Variants in MDFIC observed in about 807,000 individuals in gnomAD.
MDFIC encodes the protein myoD family inhibitor domain-containing protein.
MDFIC carries 17 observed loss-of-function variants against 23.2 expected under a neutral mutation model. That is an observed-to-expected ratio of 0.73 (90% confidence interval 0.50 to 1.10). The LOEUF (loss-of-function observed/expected upper bound fraction) is 1.10. Among genes scored for constraint, MDFIC ranks in the 50% least tolerant of loss-of-function variants. MDFIC has a pLI of 0.00. For missense variants in MDFIC, 356 were observed against 316.6 expected (o/e 1.12, Z -0.95); for synonymous variants, 120 against 115.2 (o/e 1.04, Z -0.27).
At chr7:114,930,571 C>A (rs556903254) in intron 2 of MDFIC, among the ~76,000 whole-genome samples, 1 of 152,114 alleles carries the variant, frequency 6.6e-6, no homozygotes, top group African/African-American at 2.4e-5. Flanking sequence ...AAAGGCTTTT[C>A]CTGTTTCTTT....
chr7:114,923,580 C>G, intron 2 of MDFIC: 1 of 1,528,258 alleles, frequency 6.5e-7, no homozygotes, highest in Non-Finnish European at 8.8e-7. Context: ...TTTCTGTGAC[C>G]AGTAGCTTTG....
intron 3 of MDFIC, among the ~76,000 whole-genome samples, chr7:114,953,780 A>G (rs1792827990): frequency 1.3e-5 from 2 of 152,194 alleles, no homozygotes; most frequent in African/African-American, 2.4e-5. Context: ...TAACCTATGC[A>G]TATCTTCTAA....
At chr7:114,922,780 A>C (rs1585088171) in intron 1 of MDFIC, 144 bp downstream of exon 1, 26 of 853,704 alleles carry the variant, frequency 3.0e-5, no homozygotes, top group Non-Finnish European at 4.4e-5. Context: ...CTTGCGCTGT[A>C]ACAGTTTTCT....
At chr7:114,983,217 A>G (rs1793448642) in intron 4 of MDFIC, among the ~76,000 whole-genome samples, 1 of 152,180 alleles carries the variant, frequency 6.6e-6, no homozygotes, top group South Asian at 2.1e-4. Flanking sequence ...CAAAGCAGCT[A>G]ATCATGCCCA....
At chr7:114,929,948 A>G (rs955371850) in intron 2 of MDFIC, among the ~76,000 whole-genome samples, 2 of 152,164 alleles carry the variant, frequency 1.3e-5, no homozygotes, top group Non-Finnish European at 2.9e-5. Flanking sequence ...GGAGAAAAGG[A>G]TAGGTGATAA....
intron 2 of MDFIC, among the ~76,000 whole-genome samples, chr7:114,935,937 A>T (rs1563136410): frequency 6.6e-6 from 1 of 152,144 alleles, no homozygotes; most frequent in East Asian, 1.9e-4. Context: ...AGCGTGTTTT[A>T]AAAAAGTGCT....
At chr7:114,971,403 G>T (rs545900977) in intron 3 of MDFIC, among the ~76,000 whole-genome samples, 278 of 152,232 alleles carry the variant, frequency 1.8e-3, no homozygotes, top group African/African-American at 5.2e-3. Flanking sequence ...ATATATCCTT[G>T]TTTTATCAGA....
intron 3 of MDFIC, among the ~76,000 whole-genome samples, chr7:114,974,798 T>G (rs1365097972): frequency 1.3e-5 from 2 of 152,130 alleles, no homozygotes; most frequent in African/African-American, 4.8e-5. Flanking sequence ...CTAGACCTAA[T>G]TCTATTGGTT....
intron 2 of MDFIC, among the ~76,000 whole-genome samples, chr7:114,924,031 GAGA>G (rs1291106480): frequency 6.6e-6 from 1 of 152,272 alleles, no homozygotes; most frequent in East Asian, 1.9e-4. Context: ...GCAAAAATTG[GAGA>G]AGGAGTTAAC....
intron 3 of MDFIC, among the ~76,000 whole-genome samples, chr7:114,953,385 G>A (rs1386264672): frequency 1.3e-5 from 2 of 152,108 alleles, no homozygotes; most frequent in African/African-American, 4.8e-5. Context: ...TGCCATAAAG[G>A]CTACATGTGT....
At chr7:115,011,374 T>G (rs1012887338) in intron 4 of MDFIC, among the ~76,000 whole-genome samples, 1 of 152,220 alleles carries the variant, frequency 6.6e-6, no homozygotes, top group African/African-American at 2.4e-5. Flanking sequence ...GAAAAATTGA[T>G]GAAAACGTCT....
intron 3 of MDFIC, among the ~76,000 whole-genome samples, chr7:114,962,429 T>C (rs530010078): frequency 7.2e-5 from 11 of 152,306 alleles, no homozygotes; most frequent in African/African-American, 2.4e-4. Context: ...AGTTCCCAGA[T>C]ATATAGACAT....
chr7:115,013,861 A>G, intron 4 of MDFIC: 2 of 422,518 alleles, frequency 4.7e-6, no homozygotes, highest in African/African-American at 2.2e-5. Context: ...GCCTTTATTC[A>G]TGTAGGTGGA....
chr7:114,991,345 T>G (rs1791155071), intron 4 of MDFIC, among the ~76,000 whole-genome samples: 1 of 152,176 alleles, frequency 6.6e-6, no homozygotes, highest in African/African-American at 2.4e-5. Flanking sequence ...CAGAAGCTCT[T>G]TAGTTTAATT....
At position 114,923,408 on chromosome 7, in the gene MDFIC, A is replaced by C; in HGVS notation, c.94+281A>C. On this transcript the variant is annotated intron_variant, in intron 2 of 4. Transcript: ENST00000393486. ...GATTGCTTCTTTCTTAAGCATATGC[A>C]TGTTTGGGCCTAAGACTCAATGTGT... 2.0e-6 allele frequency: 3 copies of C among 1,497,126 alleles called. No homozygotes were observed. The South Asian group carries it at 3.6e-5, about 18-fold the overall frequency. The allele number at this position is 1,497,126 out of a possible 1,614,324, so 92.7% of individuals were successfully genotyped here.
chr7:115,019,746 G>A lies in MDFIC; in HGVS notation c.*3811G>A, dbSNP rs1159456440. On this transcript the variant is annotated 3_prime_UTR_variant, in exon 5 of 5. Coordinates refer to ENST00000393486, the MANE Select transcript of MDFIC (RefSeq NM_001166345.3). ...TATAATATCCATTTTGTTTTCTTTT[G>A]CACTAATACAACAGAACATATCATT... Among the ~76,000 whole-genome samples, 1 of 151,954 alleles carries A rather than the reference G, an allele frequency of 6.6e-6. No homozygotes were observed. The highest frequency in any genetic ancestry group is 2.4e-5 in the African/African-American group (1 of 41,382).
intron 3 of MDFIC, among the ~76,000 whole-genome samples, chr7:114,947,872 G>T (rs1469502380): frequency 6.6e-6 from 1 of 152,160 alleles, no homozygotes; most frequent in Non-Finnish European, 1.5e-5. Context: ...AGCAAAATGA[G>T]TAAGCACACA....
At chr7:114,976,470 A>G (rs1053373038) in intron 3 of MDFIC, among the ~76,000 whole-genome samples, 2 of 152,164 alleles carry the variant, frequency 1.3e-5, no homozygotes, top group African/African-American at 4.8e-5. Context: ...AGAAGCAGCA[A>G]ATTCATCTCT....
intron 4 of MDFIC, among the ~76,000 whole-genome samples, chr7:115,013,346 AC>A (rs1432576824): frequency 1.7e-5 from 1 of 58,268 alleles, no homozygotes; most frequent in Non-Finnish European, 3.0e-5. Flanking sequence ...TAAGGCTGGA[AC>A]GAGACATTCT....
Sources: allele counts gnomAD v4.1 joint callset (sites outside exome capture counted in the v4.1 genomes callset), GRCh38; gene constraint gnomAD v4.1.1; transcripts MANE v1.5; gene names NCBI Gene and HGNC (gene_info 2026-07-23, HGNC 2026-07-21).